Variants in XKR9 observed in about 807,000 individuals in gnomAD.
XKR9 encodes the protein XK related 9.
In XKR9, 32 loss-of-function variants were observed where a neutral mutation model predicts 32.0. The observed-to-expected ratio is 1.00, with a 90% confidence interval of 0.76 to 1.34. The LOEUF (loss-of-function observed/expected upper bound fraction) is 1.34. Among genes scored for constraint, XKR9 ranks in the 40% most tolerant of loss-of-function variants. The pLI is 0.00. For synonymous variants in XKR9, 168 were observed against 143.4 expected, an observed-to-expected ratio of 1.17 and a Z score of -1.22; for missense variants, 546 against 429.7, an observed-to-expected ratio of 1.27 and a Z score of -2.39.
At chr8:70,809,374 A>T in the XKR9 span, among the ~76,000 whole-genome samples, 6 of 152,228 alleles carry the variant, frequency 3.9e-5, no homozygotes, top group African/African-American at 1.4e-4. Context: ...TGAAAATTCT[A>T]AAAATCAGAA....
At chr8:70,957,283 T>C in the XKR9 span, among the ~76,000 whole-genome samples, 1 of 152,228 alleles carries the variant, frequency 6.6e-6, no homozygotes, top group South Asian at 2.1e-4. Flanking sequence ...TGTTTCTGTA[T>C]CTTGGTTTCT....
the XKR9 span, among the ~76,000 whole-genome samples, chr8:70,968,989 G>T: frequency 6.6e-6 from 1 of 152,146 alleles, no homozygotes; most frequent in Non-Finnish European, 1.5e-5. Flanking sequence ...ACCATGCTGG[G>T]GGAAACCTGC....
At chr8:70,722,315 A>G (rs1490957056) in intron 4 of XKR9, among the ~76,000 whole-genome samples, 1 of 152,090 alleles carries the variant, frequency 6.6e-6, no homozygotes, top group East Asian at 1.9e-4. Context: ...TAATACTATT[A>G]TGTGTGAATT....
the XKR9 span, among the ~76,000 whole-genome samples, chr8:70,880,996 A>G: frequency 6.6e-6 from 1 of 152,188 alleles, no homozygotes; most frequent in African/African-American, 2.4e-5. Flanking sequence ...TCTTTGACAA[A>G]CCTGACAAAA....
At chr8:70,765,423 T>C in intron 2 of XKR9, among the ~76,000 whole-genome samples, 1 of 152,222 alleles carries the variant, frequency 6.6e-6, no homozygotes, top group East Asian at 1.9e-4. Context: ...CTTTGTCCAC[T>C]TTTTAATGGA....
At chr8:70,829,077 C>T in the XKR9 span, among the ~76,000 whole-genome samples, 1 of 152,098 alleles carries the variant, frequency 6.6e-6, no homozygotes. Flanking sequence ...TTTCTTTGGC[C>T]TTTATTGTCA....
the XKR9 span, among the ~76,000 whole-genome samples, chr8:70,857,482 C>T: frequency 6.6e-6 from 1 of 151,846 alleles, no homozygotes; most frequent in African/African-American, 2.4e-5. Context: ...AATAGCCTAC[C>T]AACCAAAAAA....
chr8:70,904,339 C>A, the XKR9 span, among the ~76,000 whole-genome samples: 10 of 152,278 alleles, frequency 6.6e-5, no homozygotes, highest in Admixed American at 5.2e-4. Context: ...GTGAGCTCTT[C>A]TTGTTGAATT....
At chr8:70,784,462 G>A (rs1445991107) in intron 2 of XKR9, among the ~76,000 whole-genome samples, 2 of 151,826 alleles carry the variant, frequency 1.3e-5, no homozygotes, top group South Asian at 4.2e-4. Flanking sequence ...CCTATTGTAA[G>A]TGGGATTGTT....
At chr8:70,810,733 G>T in the XKR9 span, among the ~76,000 whole-genome samples, 1 of 152,162 alleles carries the variant, frequency 6.6e-6, no homozygotes, top group African/African-American at 2.4e-5. Context: ...TCAACAAGAA[G>T]AGCTCACTAT....
At chr8:71,065,654 G>C in the XKR9 span, among the ~76,000 whole-genome samples, 8 of 152,190 alleles carry the variant, frequency 5.3e-5, no homozygotes, top group Non-Finnish European at 1.2e-4. Flanking sequence ...AGCATGTAGA[G>C]AAAGAATGTT....
intron 3 of XKR9, among the ~76,000 whole-genome samples, chr8:70,696,216 G>C (rs1056995007): frequency 6.6e-6 from 1 of 152,092 alleles, no homozygotes; most frequent in Non-Finnish European, 1.5e-5. Context: ...TCTGGCTTTC[G>C]TTGCCATTGC....
intron 4 of XKR9, among the ~76,000 whole-genome samples, chr8:70,725,867 C>T (rs1453873358): frequency 1.3e-5 from 2 of 152,156 alleles, no homozygotes; most frequent in African/African-American, 2.4e-5. Context: ...GATTGCATCA[C>T]TGTACTCTAG....
the XKR9 span, among the ~76,000 whole-genome samples, chr8:70,966,972 G>A: frequency 1.3e-5 from 2 of 151,128 alleles, no homozygotes; most frequent in African/African-American, 2.4e-5. Context: ...CATTTTCTTG[G>A]TAAATTTTCC....
chr8:70,868,428 T>G, the XKR9 span, among the ~76,000 whole-genome samples: 1 of 152,152 alleles, frequency 6.6e-6, no homozygotes, highest in Non-Finnish European at 1.5e-5. Flanking sequence ...TCTTGGCTTC[T>G]GTGCACTTGC....
the XKR9 span, among the ~76,000 whole-genome samples, chr8:71,003,370 C>T: frequency 6.6e-6 from 1 of 152,272 alleles, no homozygotes; most frequent in East Asian, 1.9e-4. Context: ...AACCTTGATA[C>T]ATGTCATTTA....
the XKR9 span, among the ~76,000 whole-genome samples, chr8:70,926,123 G>A: frequency 6.6e-6 from 1 of 152,066 alleles, no homozygotes; most frequent in Non-Finnish European, 1.5e-5. Context: ...TGCCTAGGCT[G>A]GAGTGCAATG....
chr8:70,806,696 G>A, the XKR9 span, among the ~76,000 whole-genome samples: 1 of 151,758 alleles, frequency 6.6e-6, no homozygotes, highest in Non-Finnish European at 1.5e-5. Context: ...GCTGAAATAA[G>A]GCATGCAGAC....
chr8:70,748,818 A>G (rs777614455), intron 2 of XKR9, among the ~76,000 whole-genome samples: 46 of 152,116 alleles, frequency 3.0e-4, no homozygotes, highest in Non-Finnish European at 1.2e-4. Flanking sequence ...CCATGGACCA[A>G]TCAGCATGCA....
Sources: gnomAD v4.1 joint callset for allele counts (sites outside exome capture counted in the v4.1 genomes callset) on GRCh38, gnomAD v4.1.1 for gene constraint, MANE v1.5 for transcripts, NCBI Gene and HGNC (gene_info 2026-07-23, HGNC 2026-07-21) for gene names.